Variants in CCSER1 observed in about 807,000 individuals in gnomAD.
CCSER1 encodes the protein coiled-coil serine rich protein 1.
In CCSER1, 41 loss-of-function variants were observed where a neutral mutation model predicts 82.0. The ratio of observed to expected loss-of-function variants is 0.50; its 90% CI spans 0.39 to 0.65. The LOEUF is 0.65. Ranked by LOEUF, CCSER1 falls within the 30% of genes least tolerant of loss-of-function variation. The pLI, the probability that CCSER1 is intolerant of heterozygous loss-of-function variation, is 0.00. For missense variants in CCSER1, 1,119 were observed against 1,064.2 expected (o/e 1.05, Z -0.72); for synonymous variants, 414 against 383.9 (o/e 1.08, Z -0.92).
intron 6 of CCSER1, among the ~76,000 whole-genome samples, chr4:90,709,946 G>GGT (rs1553992979): frequency 1.5e-5 from 2 of 134,972 alleles, no homozygotes; most frequent in Admixed American, 7.5e-5. Context: ...GCCAGCATCT[G>GGT]TTTTTTTTTT....
At chr4:90,691,985 T>G (rs1457024817) in intron 6 of CCSER1, among the ~76,000 whole-genome samples, 1 of 148,728 alleles carries the variant, frequency 6.7e-6, no homozygotes, top group South Asian at 2.1e-4. Context: ...ATAACTAAAT[T>G]AAATTTTTTA....
At chr4:90,667,273 G>T (rs1286678083) in intron 6 of CCSER1, among the ~76,000 whole-genome samples, 1 of 152,152 alleles carries the variant, frequency 6.6e-6, no homozygotes, top group African/African-American at 2.4e-5. Flanking sequence ...TGGAAATAAT[G>T]ACATTAGTGG....
intron 9 of CCSER1, among the ~76,000 whole-genome samples, chr4:91,016,522 T>C (rs1029262844): frequency 6.6e-6 from 1 of 152,168 alleles, no homozygotes; most frequent in Admixed American, 6.5e-5. Flanking sequence ...ATTATGACTG[T>C]GGTAGTAGCT....
intron 1 of CCSER1, among the ~76,000 whole-genome samples, chr4:90,137,459 G>A (rs1338106631): frequency 1.3e-5 from 2 of 151,990 alleles, no homozygotes; most frequent in Non-Finnish European, 2.9e-5. Context: ...AACACAGAGG[G>A]GATAAAGACC....
At chr4:90,161,630 T>C (rs11944177) in intron 1 of CCSER1, among the ~76,000 whole-genome samples, 42,860 of 151,920 alleles carry the variant, frequency 0.28, 7,639 homozygotes, top group East Asian at 0.64. Flanking sequence ...TTAGATAGTA[T>C]ATATAAAAAT....
At chr4:91,296,461 ATATATG>A (rs879441777) in intron 10 of CCSER1, among the ~76,000 whole-genome samples, 5,911 of 64,378 alleles carry the variant, frequency 0.092, 272 homozygotes, top group South Asian at 0.11. Context: ...ATATATATAT[ATATATG>A]TATATATATA....
intron 7 of CCSER1, among the ~76,000 whole-genome samples, chr4:90,793,789 G>A (rs1755602118): frequency 6.6e-6 from 1 of 152,176 alleles, no homozygotes; most frequent in South Asian, 2.1e-4. Context: ...CCCACCAACA[G>A]CGTATAAGCA....
At chr4:91,444,798 T>C (rs990468169) in intron 10 of CCSER1, among the ~76,000 whole-genome samples, 1 of 152,202 alleles carries the variant, frequency 6.6e-6, no homozygotes, top group African/African-American at 2.4e-5. Flanking sequence ...TGTCAGATGA[T>C]GGTGAAAACG....
At chr4:91,000,214 GTATAGGTATAGTATAGTATA>G (rs61147011) in intron 9 of CCSER1, among the ~76,000 whole-genome samples, 24,447 of 139,094 alleles carry the variant, frequency 0.18, 2,599 homozygotes, top group East Asian at 0.32. Flanking sequence ...GTATAGTATA[GTATAGGTATAGTATAGTATA>G]GTATAGTATA....
rs549345724 is a variant in CCSER1 at position 90,740,489 on chromosome 4, T to C, written c.2010+16498T>C. Among the ~76,000 whole-genome samples the C allele has an allele frequency of 2.7e-3, 411 of 152,270 alleles. 4 individuals carry two copies. The highest frequency in any genetic ancestry group is 3.0e-3 in the Admixed American group (46 of 15,286). ...AAAGATATGCAATATCTCTTAGACA[T>C]AGTAGACCTCTGGGAAAAATATTTC... On this transcript the variant is annotated intron_variant, in intron 7 of 10. Coordinates refer to ENST00000509176, the MANE Select transcript of CCSER1 (RefSeq NM_001145065.2).
At chr4:91,576,699 A>G (rs74346680) in intron 10 of CCSER1, among the ~76,000 whole-genome samples, 1,571 of 152,066 alleles carry the variant, frequency 0.01, 20 homozygotes, top group African/African-American at 0.031. Context: ...TTTGTTTTTT[A>G]TACACTTTAT....
intron 9 of CCSER1, among the ~76,000 whole-genome samples, chr4:91,071,990 G>C (rs1006039312): frequency 2.0e-5 from 3 of 152,068 alleles, no homozygotes; most frequent in South Asian, 2.1e-4. Flanking sequence ...TTGGTGATTA[G>C]TCTCATATCT....
chr4:90,937,917 T>G (rs768805604), intron 9 of CCSER1, among the ~76,000 whole-genome samples: 1 of 152,172 alleles, frequency 6.6e-6, no homozygotes, highest in Admixed American at 6.5e-5. Flanking sequence ...TATATTAACA[T>G]GTATCTGTCC....
intron 6 of CCSER1, among the ~76,000 whole-genome samples, chr4:90,712,733 G>C (rs1355482686): frequency 6.6e-6 from 1 of 151,336 alleles, no homozygotes; most frequent in East Asian, 1.9e-4. Flanking sequence ...ATTGTTATTG[G>C]GGCATTAAAG....
chr4:90,292,419 C>G (rs1731095227), intron 1 of CCSER1, among the ~76,000 whole-genome samples: 1 of 151,804 alleles, frequency 6.6e-6, no homozygotes, highest in Non-Finnish European at 1.5e-5. Flanking sequence ...GTTGTCTAAT[C>G]TTAATAATAG....
chr4:90,964,450 G>A (rs1179435317), intron 9 of CCSER1, among the ~76,000 whole-genome samples: 1 of 152,076 alleles, frequency 6.6e-6, no homozygotes, highest in African/African-American at 2.4e-5. Context: ...GGATAGGCCA[G>A]GCGTGGTGGC....
intron 10 of CCSER1, among the ~76,000 whole-genome samples, chr4:91,455,071 G>A (rs1009719875): frequency 6.6e-6 from 1 of 151,984 alleles, no homozygotes; most frequent in Non-Finnish European, 1.5e-5. Flanking sequence ...GTATATAAAA[G>A]GAAGCAAATA....
At chr4:91,088,281 C>A (rs1306881639) in intron 10 of CCSER1, among the ~76,000 whole-genome samples, 1 of 151,936 alleles carries the variant, frequency 6.6e-6, no homozygotes, top group Non-Finnish European at 1.5e-5. Flanking sequence ...TTGATGGATG[C>A]AATATCAAGG....
chr4:91,327,355 C>A (rs1415045725), intron 10 of CCSER1, among the ~76,000 whole-genome samples: 1 of 152,232 alleles, frequency 6.6e-6, no homozygotes, highest in Non-Finnish European at 1.5e-5. Flanking sequence ...TTGGGGCTTA[C>A]ACCCTTTCAA....
Sources: gnomAD v4.1 joint callset for allele counts (sites outside exome capture counted in the v4.1 genomes callset) on GRCh38, gnomAD v4.1.1 for gene constraint, MANE v1.5 for transcripts, NCBI Gene and HGNC (gene_info 2026-07-23, HGNC 2026-07-21) for gene names.